ZFYVE16: variants seen among roughly 807,000 people sequenced by gnomAD.
The protein encoded by ZFYVE16 is zinc finger FYVE-type containing 16.
In ZFYVE16, 89 loss-of-function variants were observed where a neutral mutation model predicts 138.1. The observed-to-expected ratio is 0.64, with a 90% CI of 0.54 to 0.77. ZFYVE16 has a LOEUF of 0.77. Among genes scored for constraint, ZFYVE16 ranks in the 30% least tolerant of loss-of-function variants. The pLI, the probability that ZFYVE16 is intolerant of heterozygous loss-of-function variation, is 0.00. For synonymous variants in ZFYVE16, 596 were observed against 618.3 expected (o/e 0.96, Z 0.53); for missense variants, 1,793 against 1,786.7 (o/e 1.00, Z -0.06).
At chr5:80,444,185 T>C (rs1310577718) in intron 6 of ZFYVE16, among the ~76,000 whole-genome samples, 1 of 152,174 alleles carries the variant, frequency 6.6e-6, no homozygotes, top group Non-Finnish European at 1.5e-5. Flanking sequence ...TATTACTCAG[T>C]AACTATTTTC....
rs1561341838 is a variant in ZFYVE16 at position 80,474,806 on chromosome 5, C to T, written c.4437C>T (p.Leu1479=). Reference sequence around the variant, plus strand: ...GTAATGGGATGAATAAAATTGGACTCAGAGTTTCCATTGACACTGATATGG... The same window carrying T: ...GTAATGGGATGAATAAAATTGGACTTAGAGTTTCCATTGACACTGATATGG... The part of the protein sequence containing the change: ...LKSNGMNKIG[L]RVSIDTDMVE... Residue 1479 remains leucine, a synonymous_variant, in exon 18 of 19, where the codon CTC becomes CTT. Transcript: ENST00000505560. The T allele has an allele frequency of 6.2e-7, 1 of 1,612,940 alleles. No individual in the cohort carries two copies. Among genetic ancestry groups the T allele is most frequent in the Non-Finnish European group, 8.5e-7 (1 of 1,179,450 alleles).
chr5:80,459,519 T>C (rs1752887479), intron 15 of ZFYVE16, 25 bp downstream of exon 15: 1 of 1,580,714 alleles, frequency 6.3e-7, no homozygotes, highest in African/African-American at 1.4e-5. Context: ...TTTAATGGTG[T>C]TTTAATGTAG....
In ZFYVE16 at chr5:80,457,003, G is replaced by A; in HGVS notation, c.3854G>A (p.Ser1285Asn). 6.2e-7 allele frequency: 1 copy of A among 1,612,418 alleles called. No homozygotes were observed. The highest frequency in any genetic ancestry group is 8.5e-7 in the Non-Finnish European group (1 of 1,179,532). ...GTCATTAGCATTGGAGCAAGTTTCA[G>A]TACAGAAGCAGATTCTCATCTAGTC... The part of the protein sequence containing the change: ...EHVISIGASF[S>N]TEADSHLVCI... The change falls in exon 14 of 19, where the codon AGT (serine) becomes AAT (asparagine). Residue 1285 changes from serine to asparagine, a missense_variant. Coordinates refer to ENST00000505560, the MANE Select transcript of ZFYVE16 (RefSeq NM_001284236.3).
intron 14 of ZFYVE16, among the ~76,000 whole-genome samples, chr5:80,457,447 TGATAAG>T (rs1007533194): frequency 5.3e-5 from 8 of 152,164 alleles, no homozygotes; most frequent in African/African-American, 1.9e-4. Context: ...GAGCACAGGG[TGATAAG>T]GATAAGATTG....
At chr5:80,435,805 T>G in intron 3 of ZFYVE16, 1 of 370,318 alleles carries the variant, frequency 2.7e-6, no homozygotes, top group Non-Finnish European at 5.4e-6. Flanking sequence ...GAACTCCTGA[T>G]CTCAAGTTAT....
At chr5:80,471,171 G>A (rs1162777476) in intron 15 of ZFYVE16, among the ~76,000 whole-genome samples, 2 of 152,052 alleles carry the variant, frequency 1.3e-5, no homozygotes, top group African/African-American at 2.4e-5. Flanking sequence ...GGCTATAAAC[G>A]TCCTAATCTT....
intron 2 of ZFYVE16, among the ~76,000 whole-genome samples, chr5:80,432,567 A>G (rs1245058635): frequency 1.3e-5 from 2 of 152,242 alleles, no homozygotes; most frequent in African/African-American, 2.4e-5. Context: ...AATGGCAACA[A>G]AAGCCAAAAT....
chr5:80,435,334 A>T (rs931789349), intron 3 of ZFYVE16, among the ~76,000 whole-genome samples: 24 of 151,146 alleles, frequency 1.6e-4, no homozygotes, highest in African/African-American at 5.4e-4. Flanking sequence ...GGCCCGGCCT[A>T]ATTTTTGTAT....
intron 2 of ZFYVE16, among the ~76,000 whole-genome samples, chr5:80,428,529 A>C (rs543756427): frequency 6.6e-6 from 1 of 152,336 alleles, no homozygotes; most frequent in Non-Finnish European, 1.5e-5. Flanking sequence ...AAAAGCTGAA[A>C]ATTCTAAAAA....
intron 3 of ZFYVE16, among the ~76,000 whole-genome samples, chr5:80,435,188 C>A (rs1749705273): frequency 6.6e-6 from 1 of 152,196 alleles, no homozygotes; most frequent in Non-Finnish European, 1.5e-5. Flanking sequence ...GTGCCCACCA[C>A]CATGCCCAGC....
chr5:80,424,348 C>A (rs1480692632), intron 1 of ZFYVE16, among the ~76,000 whole-genome samples: 1 of 151,974 alleles, frequency 6.6e-6, no homozygotes, highest in East Asian at 1.9e-4. Flanking sequence ...ATATGTAGTT[C>A]TTATTTATGG....
At chr5:80,441,866 A>C in intron 5 of ZFYVE16, 2 of 985,392 alleles carry the variant, frequency 2.0e-6, no homozygotes, top group South Asian at 4.7e-5. Flanking sequence ...AGAAATGCTG[A>C]AGGGAGAGCT....
chr5:80,430,814 T>C (rs146378113), intron 2 of ZFYVE16, among the ~76,000 whole-genome samples: 2,259 of 152,254 alleles, frequency 0.015, 46 homozygotes, highest in East Asian at 0.11. Context: ...TAAACACCTC[T>C]ACACAAATAA....
chr5:80,474,035 A>G (rs1754652065), intron 17 of ZFYVE16, among the ~76,000 whole-genome samples, 176 bp downstream of exon 17: 2 of 152,208 alleles, frequency 1.3e-5, no homozygotes, highest in Admixed American at 6.5e-5. Context: ...TTGGATTTCC[A>G]TAGGGTTAGT....
In ZFYVE16 at chr5:80,481,078, A is replaced by G. The variant is rs909713794; in HGVS notation, c.*3701A>G. Among the ~76,000 whole-genome samples the G allele has an allele frequency of 2.0e-5, 3 of 152,110 alleles. No individual in the cohort carries two copies. The highest frequency in any genetic ancestry group is 4.4e-5 in the Non-Finnish European group (3 of 68,020). ...TGCAGTATTCTAAGAGAGCCTCAGGAAAGATGCAGTAAGACCCACCGCCCC... is the reference window on the plus strand; with the variant it reads ...TGCAGTATTCTAAGAGAGCCTCAGGGAAGATGCAGTAAGACCCACCGCCCC... On this transcript the variant is annotated 3_prime_UTR_variant, in exon 19 of 19. Transcript: ENST00000505560.
chr5:80,417,539 C>G (rs138018123), intron 1 of ZFYVE16, among the ~76,000 whole-genome samples: 3 of 152,154 alleles, frequency 2.0e-5, no homozygotes, highest in Non-Finnish European at 4.4e-5. Context: ...GTTTTACTGT[C>G]TCTGTAGTTT....
intron 1 of ZFYVE16, among the ~76,000 whole-genome samples, chr5:80,424,339 T>C (rs1747684530): frequency 6.6e-6 from 1 of 152,194 alleles, no homozygotes; most frequent in Non-Finnish European, 1.5e-5. Flanking sequence ...TTGTTCTCTA[T>C]ATGTAGTTCT....
At chr5:80,447,926 A>G (rs904856028) in intron 7 of ZFYVE16, 100 bp from the exon 8 acceptor site, 9 of 1,109,470 alleles carry the variant, frequency 8.1e-6, no homozygotes, top group Non-Finnish European at 9.7e-6. Flanking sequence ...GTTTTTATTT[A>G]TTCTTATTAA....
At chr5:80,440,678 G>GTA in intron 5 of ZFYVE16, 3 of 981,516 alleles carry the variant, frequency 3.1e-6, no homozygotes, top group Non-Finnish European at 2.4e-6. Context: ...GTGTGTGTGT[G>GTA]TGTGTGTGTG....
Sources: allele counts gnomAD v4.1 joint callset (sites outside exome capture counted in the v4.1 genomes callset), GRCh38; gene constraint gnomAD v4.1.1; transcripts MANE v1.5; gene names NCBI Gene and HGNC (gene_info 2026-07-23, HGNC 2026-07-21).